CIMIP6: variants seen among roughly 807,000 people sequenced by gnomAD.
CIMIP6 encodes uncharacterized protein C2orf73.
chr2:54,365,428 A>AG, the CIMIP6 span, among the ~76,000 whole-genome samples: 2 of 152,334 alleles, frequency 1.3e-5, no homozygotes, highest in East Asian at 3.9e-4. Flanking sequence ...AGGAAAGAAC[A>AG]AAAACTTCCC....
At chr2:54,353,492 T>C in the CIMIP6 span, among the ~76,000 whole-genome samples, 9 of 152,132 alleles carry the variant, frequency 5.9e-5, no homozygotes, top group Middle Eastern at 3.4e-3. Context: ...TTCATCATAA[T>C]TGCAGGGCTC....
the CIMIP6 span, among the ~76,000 whole-genome samples, chr2:54,331,590 C>T: frequency 6.6e-6 from 1 of 152,118 alleles, no homozygotes; most frequent in South Asian, 2.1e-4. Context: ...CTACAGCAAA[C>T]AGGCCTTTCT....
At chr2:54,381,433 T>G in the CIMIP6 span, among the ~76,000 whole-genome samples, 1 of 152,244 alleles carries the variant, frequency 6.6e-6, no homozygotes, top group Admixed American at 6.5e-5. Flanking sequence ...TTGCCCTAAG[T>G]AGTTTACCTA....
At chr2:54,366,405 T>C in the CIMIP6 span, among the ~76,000 whole-genome samples, 1 of 152,204 alleles carries the variant, frequency 6.6e-6, no homozygotes, top group Non-Finnish European at 1.5e-5. Context: ...TTCTATCTTG[T>C]ATAAACTACT....
At chr2:54,381,927 G>T in the CIMIP6 span, 1 of 1,550,098 alleles carries the variant, frequency 6.5e-7, no homozygotes, top group Admixed American at 2.0e-5. Flanking sequence ...GAGAGATCAC[G>T]GGCATGTTTT....
At chr2:54,368,928 C>T in the CIMIP6 span, among the ~76,000 whole-genome samples, 227 of 152,238 alleles carry the variant, frequency 1.5e-3, no homozygotes, top group African/African-American at 5.3e-3. Flanking sequence ...TAATCTGATT[C>T]TTTTACTGTA....
the CIMIP6 span, among the ~76,000 whole-genome samples, chr2:54,368,848 T>A: frequency 1.3e-5 from 2 of 152,134 alleles, no homozygotes; most frequent in Non-Finnish European, 2.9e-5. Context: ...GCTGGGAGAG[T>A]ACAACTGGAA....
At chr2:54,357,686 C>T in the CIMIP6 span, among the ~76,000 whole-genome samples, 2 of 151,684 alleles carry the variant, frequency 1.3e-5, no homozygotes, top group African/African-American at 4.9e-5. Flanking sequence ...AAGTGATTCT[C>T]CAGCCTCACC....
the CIMIP6 span, chr2:54,343,858 C>G: frequency 8.4e-5 from 134 of 1,600,876 alleles, 1 homozygote; most frequent in East Asian, 4.9e-4. Context: ...GATGCAAAAG[C>G]CTTCTTGTGG....
chr2:54,332,956 G>A, the CIMIP6 span, among the ~76,000 whole-genome samples: 2 of 152,198 alleles, frequency 1.3e-5, no homozygotes, highest in South Asian at 2.1e-4. Flanking sequence ...TTTTTGGGAA[G>A]CAGGGAACTA....
At chr2:54,360,076 A>G in the CIMIP6 span, 2 of 1,203,854 alleles carry the variant, frequency 1.7e-6, no homozygotes, top group South Asian at 1.9e-5. Flanking sequence ...GGTGACACCA[A>G]TGAAGAGGCA....
the CIMIP6 span, among the ~76,000 whole-genome samples, chr2:54,377,760 T>C: frequency 6.6e-6 from 1 of 151,846 alleles, no homozygotes. Flanking sequence ...CTGGAGAGTG[T>C]GTAGATGAGG....
the CIMIP6 span, chr2:54,334,942 A>G: frequency 1.9e-6 from 3 of 1,600,022 alleles, no homozygotes; most frequent in Admixed American, 5.2e-5. Flanking sequence ...CGTATATATT[A>G]TGCTAAATTC....
chr2:54,331,491 T>G, the CIMIP6 span, among the ~76,000 whole-genome samples: 1 of 151,988 alleles, frequency 6.6e-6, no homozygotes, highest in African/African-American at 2.4e-5. Context: ...TCCGACATCG[T>G]AGAGTAAAAG....
chr2:54,331,097 G>A, the CIMIP6 span: 3 of 1,184,320 alleles, frequency 2.5e-6, no homozygotes, highest in Non-Finnish European at 3.7e-6. Context: ...TCCAGGCCAA[G>A]CTCAGACAGC....
chr2:54,353,737 G>A, the CIMIP6 span, among the ~76,000 whole-genome samples: 2 of 152,218 alleles, frequency 1.3e-5, no homozygotes, highest in African/African-American at 2.4e-5. Context: ...TTTTTCAAAG[G>A]TCCTTAACTC....
chr2:54,365,804 A>G, the CIMIP6 span, among the ~76,000 whole-genome samples: 1 of 152,244 alleles, frequency 6.6e-6, no homozygotes, highest in Admixed American at 6.5e-5. Flanking sequence ...GAGATTCTAC[A>G]GTTTAAAATG....
chr2:54,337,679 A>G, the CIMIP6 span, among the ~76,000 whole-genome samples: 3 of 152,122 alleles, frequency 2.0e-5, no homozygotes, highest in African/African-American at 2.4e-5. Context: ...GGTATGTTGG[A>G]AAAAAAATGA....
the CIMIP6 span, among the ~76,000 whole-genome samples, chr2:54,367,250 C>G: frequency 4.3e-4 from 65 of 152,128 alleles, no homozygotes; most frequent in East Asian, 9.8e-3. Context: ...ACTGATTAAC[C>G]TATATATTAA....
Sources: allele counts gnomAD v4.1 joint callset (sites outside exome capture counted in the v4.1 genomes callset), GRCh38; gene constraint gnomAD v4.1.1; transcripts MANE v1.5; gene names NCBI Gene and HGNC (gene_info 2026-07-23, HGNC 2026-07-21).